RFFL: variants seen among roughly 807,000 people sequenced by gnomAD.
The protein encoded by RFFL is ring finger and FYVE like domain containing E3 ubiquitin protein ligase, also known as E3 ubiquitin-protein ligase rififylin.
In RFFL, 16 loss-of-function variants were observed where a neutral mutation model predicts 40.4. The observed-to-expected ratio is 0.40, with a 90% CI of 0.27 to 0.60. RFFL has a LOEUF of 0.60. RFFL is among the 20% of genes least tolerant of loss of function. The pLI is 0.47. For synonymous variants in RFFL, 154 were observed against 167.9 expected (o/e 0.92, Z 0.64); for missense variants, 367 against 451.7 (o/e 0.81, Z 1.70).
Position 35,029,826 on chromosome 17 carries a change from T to C in RFFL, c.-8-3265A>G, listed in dbSNP as rs547627061. Reference sequence around the variant, plus strand: ...ATTTAGCATTAGGTATATCTCCTAATGCTATCCCTCCCCCCTCCCCCAACG... The same window carrying C: ...ATTTAGCATTAGGTATATCTCCTAACGCTATCCCTCCCCCCTCCCCCAACG... On this transcript the variant is annotated intron_variant, in intron 1 of 6. Transcript: ENST00000394597. 4.0e-5 allele frequency among the ~76,000 whole-genome samples: 6 copies of C among 149,778 alleles called. No homozygotes were observed. In the South Asian group the frequency reaches 1.1e-3, roughly 27 times the overall value.
chr17:35,050,940 C>A (rs1281113494), intron 1 of RFFL, among the ~76,000 whole-genome samples: 1 of 151,620 alleles, frequency 6.6e-6, no homozygotes, highest in Non-Finnish European at 1.5e-5. Flanking sequence ...CCATTGCACT[C>A]CAGCCTGGGC....
At position 35,011,430 on chromosome 17, in the gene RFFL, G is replaced by C. The variant is rs1427267121; in HGVS notation, c.*538C>G. 6.5e-6 allele frequency: 1 copy of C among 153,798 alleles called. No homozygotes were observed. The highest frequency in any genetic ancestry group is 2.4e-5 in the African/African-American group (1 of 41,450). 9.5% of individuals were successfully genotyped at this position (153,798 alleles called of 1,614,324 possible). A position where few individuals can be genotyped will look rare whatever the true frequency, so the allele number is the denominator to read the frequency against. On this transcript the variant is annotated 3_prime_UTR_variant, in exon 7 of 7. Transcript: ENST00000394597. ...AAATCTGTCCTAAGGACCACTATCG[G>C]TCTGGTAAACTAACATTTTTGGTCC...
chr17:35,033,389 A>G (rs2091098006), intron 1 of RFFL, among the ~76,000 whole-genome samples: 1 of 151,728 alleles, frequency 6.6e-6, no homozygotes, highest in African/African-American at 2.4e-5. Context: ...TTACCCGGGT[A>G]TGGTAGCACG....
intron 1 of RFFL, among the ~76,000 whole-genome samples, chr17:35,037,802 T>G (rs1191983993): frequency 6.6e-6 from 1 of 152,136 alleles, no homozygotes; most frequent in Non-Finnish European, 1.5e-5. Context: ...CTGTGGCCCA[T>G]CCCCTCTGAG....
At chr17:35,044,666 G>C (rs149696122) in intron 1 of RFFL, among the ~76,000 whole-genome samples, 1 of 152,182 alleles carries the variant, frequency 6.6e-6, no homozygotes, top group African/African-American at 2.4e-5. Context: ...AATAATGAAA[G>C]CAAATCCTTA....
intron 1 of RFFL, among the ~76,000 whole-genome samples, chr17:35,054,270 T>A (rs1478729124): frequency 6.6e-6 from 1 of 152,182 alleles, no homozygotes; most frequent in Non-Finnish European, 1.5e-5. Flanking sequence ...CCAATATAAC[T>A]TGCATCAAAA....
intron 1 of RFFL, among the ~76,000 whole-genome samples, chr17:35,075,985 TC>T (rs1364677780): frequency 4.8e-4 from 66 of 137,100 alleles, no homozygotes; most frequent in African/African-American, 1.7e-3. Flanking sequence ...ATCAATTTAT[TC>T]TTTTTTTTTT....
In RFFL at chr17:35,010,963, GC is replaced by G; in HGVS notation, c.*1004del. On this transcript the variant is annotated 3_prime_UTR_variant, in exon 7 of 7. Coordinates refer to ENST00000394597, the MANE Select transcript of RFFL (RefSeq NM_001017368.2). ...CTCCAGGAACTTCAACAGCAGTCTG[GC>G]CAGAGAAGAGCACAGGCTCTTTGCC... is the stretch of plus-strand genomic sequence containing the variant. The G allele has an allele frequency of 1.3e-5, 2 of 152,314 alleles. No homozygotes were observed. Among genetic ancestry groups the G allele is most frequent in the Non-Finnish European group, 2.9e-5 (2 of 68,044 alleles). 9.4% of individuals were successfully genotyped at this position (152,314 alleles called of 1,614,324 possible).
Position 35,011,738 on chromosome 17 carries a change from A to G in RFFL, c.*230T>C, listed in dbSNP as rs2090939725. ...TCACTCCAAGATCACTGAACCAAGAACATACCCATGTGATTTATACAAGTT... is the reference window on the plus strand; with the variant it reads ...TCACTCCAAGATCACTGAACCAAGAGCATACCCATGTGATTTATACAAGTT... On this transcript the variant is annotated 3_prime_UTR_variant, in exon 7 of 7. Transcript: ENST00000394597. 1.9e-6 allele frequency: 1 copy of G among 538,916 alleles called. No homozygotes were observed. Among genetic ancestry groups the G allele is most frequent in the African/African-American group, 1.9e-5 (1 of 52,662 alleles). The allele number at this position is 538,916 out of a possible 1,614,324, so 33.4% of individuals were successfully genotyped here.
At chr17:35,018,406 A>C (rs545609400) in intron 3 of RFFL, among the ~76,000 whole-genome samples, 1 of 152,350 alleles carries the variant, frequency 6.6e-6, no homozygotes, top group Non-Finnish European at 1.5e-5. Context: ...AGGTTTGGCC[A>C]AAGAGTAGGC....
At chr17:35,025,341 C>T (rs1313026950) in intron 2 of RFFL, 1 of 152,130 alleles carries the variant, frequency 6.6e-6, no homozygotes, top group Non-Finnish European at 1.5e-5. Flanking sequence ...TTGAGCACTA[C>T]TGAAGTCAAG....
intron 1 of RFFL, among the ~76,000 whole-genome samples, chr17:35,033,584 TA>T (rs1342366920): frequency 1.3e-5 from 2 of 151,826 alleles, no homozygotes; most frequent in East Asian, 1.9e-4. Context: ...GTGATCAGAT[TA>T]GGGGGTAGGT....
upstream of RFFL, among the ~76,000 whole-genome samples, chr17:35,065,893 T>G (rs2091318880): frequency 6.6e-6 from 1 of 152,194 alleles, no homozygotes; most frequent in Non-Finnish European, 1.5e-5. Context: ...TGAGGTTACA[T>G]GAAAATTATG....
chr17:35,064,461 T>TA (rs1264625072), upstream of RFFL, among the ~76,000 whole-genome samples: 1 of 150,482 alleles, frequency 6.6e-6, no homozygotes, highest in Non-Finnish European at 1.5e-5. Context: ...CCTGCTTATT[T>TA]AAAAAATCAA....
rs956607070 is a variant in RFFL, at chr17:35,027,745, G to A, written c.-8-1184C>T. On this transcript the variant is annotated intron_variant, in intron 1 of 6. Coordinates refer to ENST00000394597, the MANE Select transcript of RFFL (RefSeq NM_001017368.2). The stretch of plus-strand genomic sequence containing the variant: ...GTCTCAAAAAAAAAAAAAAAAAAAA[G>A]TGTTGGGCCAGGTGCAGTGGTTCAC... Among the ~76,000 whole-genome samples the A allele has an allele frequency of 3.2e-3, 381 of 120,740 alleles. 7 individuals carry two copies. The East Asian group carries it at 0.064, about 20-fold the overall frequency. The allele number at this position is 120,740 out of a possible 152,430, so 79.2% of individuals were successfully genotyped here. A position where few individuals can be genotyped will look rare whatever the true frequency, so the allele number is the denominator to read the frequency against.
At chr17:35,047,798 C>T (rs1159488474) in intron 1 of RFFL, among the ~76,000 whole-genome samples, 1 of 151,082 alleles carries the variant, frequency 6.6e-6, no homozygotes, top group Non-Finnish European at 1.5e-5. Flanking sequence ...GTCACCCAGG[C>T]TGGAATGCAG....
chr17:35,074,693 T>C (rs2091367592), intron 1 of RFFL, among the ~76,000 whole-genome samples: 1 of 152,204 alleles, frequency 6.6e-6, no homozygotes, highest in Admixed American at 6.5e-5. Context: ...GCAAAGTCCC[T>C]GGCACCTGGA....
intron 2 of RFFL, among the ~76,000 whole-genome samples, chr17:35,022,972 G>A (rs2091018967): frequency 6.6e-6 from 1 of 152,184 alleles, no homozygotes; most frequent in African/African-American, 2.4e-5. Flanking sequence ...TCAGCCCACA[G>A]GAAGCAATCC....
At chr17:35,065,743 T>C (rs1405297736), upstream of RFFL, among the ~76,000 whole-genome samples, 4 of 152,164 alleles carry the variant, frequency 2.6e-5, no homozygotes, top group East Asian at 1.9e-4. Context: ...GGGACTCTGA[T>C]ACAGTTTTAA....
Sources: gnomAD v4.1 joint callset for allele counts (sites outside exome capture counted in the v4.1 genomes callset) on GRCh38, gnomAD v4.1.1 for gene constraint, MANE v1.5 for transcripts, NCBI Gene and HGNC (gene_info 2026-07-23, HGNC 2026-07-21) for gene names.